Variants in RBFOX1 observed in about 807,000 individuals in gnomAD.
RBFOX1 encodes the protein RNA binding fox-1 homolog 1.
Under a neutral mutation model 57.7 loss-of-function variants are expected in RBFOX1, and 8 were observed. The ratio of observed to expected loss-of-function variants is 0.14; its 90% CI spans 0.08 to 0.25. The LOEUF is 0.25. Ranked by LOEUF, RBFOX1 falls within the 10% of genes least tolerant of loss-of-function variation. RBFOX1 has a pLI of 1.00. For synonymous variants in RBFOX1, 326 were observed against 222.4 expected (o/e 1.47, Z -4.15); for missense variants, 611 against 548.5 (o/e 1.11, Z -1.14).
intron 1 of RBFOX1, among the ~76,000 whole-genome samples, chr16:6,032,920 C>A (rs895044973): frequency 7.1e-6 from 1 of 140,866 alleles, no homozygotes; most frequent in South Asian, 2.3e-4. Flanking sequence ...AGCCATTGTT[C>A]AGGTGCCAAT....
intron 3 of RBFOX1, among the ~76,000 whole-genome samples, chr16:6,780,035 T>C (rs1373322643): frequency 2.1e-4 from 6 of 27,912 alleles, no homozygotes; most frequent in Non-Finnish European, 2.6e-4. Context: ...TTATATATAT[T>C]TATATATATT....
At chr16:6,382,734 C>A (rs1275154908) in intron 2 of RBFOX1, among the ~76,000 whole-genome samples, 10 of 152,082 alleles carry the variant, frequency 6.6e-5, no homozygotes. Context: ...GTGGCAGGTG[C>A]CTGTAATCCC....
At chr16:7,415,046 C>T (rs749606359) in intron 4 of RBFOX1, among the ~76,000 whole-genome samples, 16 of 152,226 alleles carry the variant, frequency 1.1e-4, no homozygotes, top group Non-Finnish European at 2.2e-4. Flanking sequence ...TTTCTATACT[C>T]TACAGCCTCT....
chr16:6,442,454 G>C (rs953008332), intron 2 of RBFOX1, among the ~76,000 whole-genome samples: 1 of 152,036 alleles, frequency 6.6e-6, no homozygotes, highest in Non-Finnish European at 1.5e-5. Context: ...CTACTCAGGA[G>C]GCTGAGGCAG....
chr16:7,587,951 G>C (rs187973075), intron 7 of RBFOX1, among the ~76,000 whole-genome samples: 1 of 152,270 alleles, frequency 6.6e-6, no homozygotes, highest in East Asian at 1.9e-4. Context: ...CTTTGAGGTG[G>C]GTGGATCACC....
chr16:7,308,256 G>C (rs186631785), intron 4 of RBFOX1, among the ~76,000 whole-genome samples: 2 of 148,548 alleles, frequency 1.3e-5, no homozygotes, highest in Non-Finnish European at 3.0e-5. Flanking sequence ...GATGAGATTC[G>C]TTTTCTGATG....
intron 5 of RBFOX1, among the ~76,000 whole-genome samples, chr16:7,568,262 T>G (rs1019424713): frequency 2.1e-4 from 32 of 152,180 alleles, no homozygotes; most frequent in South Asian, 4.1e-4. Context: ...TTCTTGATTA[T>G]GTATTAAACA....
chr16:6,869,171 C>G (rs114004142), intron 3 of RBFOX1, among the ~76,000 whole-genome samples: 1 of 152,296 alleles, frequency 6.6e-6, no homozygotes, highest in African/African-American at 2.4e-5. Context: ...ATATCTTCTG[C>G]TGCTTTGCAC....
chr16:5,549,100 C>T (rs1669565628), intron 2 of RBFOX1, among the ~76,000 whole-genome samples: 1 of 152,194 alleles, frequency 6.6e-6, no homozygotes, highest in South Asian at 2.1e-4. Flanking sequence ...ACCCCAGCTT[C>T]CAAAGATGAC....
At chr16:5,644,561 G>T (rs17508399) in intron 3 of RBFOX1, among the ~76,000 whole-genome samples, 4 of 152,156 alleles carry the variant, frequency 2.6e-5, no homozygotes, top group Non-Finnish European at 5.9e-5. Flanking sequence ...TACATTGCAG[G>T]AACTCAGCCG....
intron 3 of RBFOX1, among the ~76,000 whole-genome samples, chr16:6,666,849 C>T (rs934433245): frequency 2.0e-5 from 3 of 152,102 alleles, no homozygotes; most frequent in African/African-American, 7.2e-5. Flanking sequence ...CTCCCAATTA[C>T]TCAGCCTAAG....
chr16:5,921,058 G>C (rs138731050), intron 4 of RBFOX1, among the ~76,000 whole-genome samples: 2 of 152,242 alleles, frequency 1.3e-5, no homozygotes, highest in East Asian at 1.9e-4. Flanking sequence ...GTGTTGGTGG[G>C]AATCTAACTT....
intron 3 of RBFOX1, among the ~76,000 whole-genome samples, chr16:6,870,078 T>C (rs1251411601): frequency 1.3e-5 from 2 of 152,200 alleles, no homozygotes; most frequent in East Asian, 3.8e-4. Context: ...GACAATTTAC[T>C]AATCCTTCTT....
intron 3 of RBFOX1, among the ~76,000 whole-genome samples, chr16:6,994,520 T>C (rs558957529): frequency 7.9e-5 from 12 of 152,306 alleles, no homozygotes; most frequent in African/African-American, 2.9e-4. Flanking sequence ...TGACCGATTT[T>C]CTTGCATTTT....
intron 3 of RBFOX1, among the ~76,000 whole-genome samples, chr16:7,031,092 G>C (rs11645481): frequency 0.58 from 88,658 of 152,030 alleles, 26,572 homozygotes; most frequent in South Asian, 0.77. Flanking sequence ...AGGGTTGTAA[G>C]TAAGACTGTA....
At chr16:6,598,531 A>G (rs569731897) in intron 2 of RBFOX1, among the ~76,000 whole-genome samples, 1 of 152,362 alleles carries the variant, frequency 6.6e-6, no homozygotes, top group African/African-American at 2.4e-5. Context: ...GATTATTCCA[A>G]TATTAAGCAT....
intron 10 of RBFOX1, among the ~76,000 whole-genome samples, chr16:7,615,153 G>A (rs1232468590): frequency 2.6e-5 from 4 of 152,262 alleles, no homozygotes; most frequent in African/African-American, 9.6e-5. Context: ...CTAATACGGT[G>A]AAACCCCATC....
chr16:5,464,039 C>A (rs868804116), intron 1 of RBFOX1, among the ~76,000 whole-genome samples: 3 of 152,106 alleles, frequency 2.0e-5, no homozygotes, highest in Non-Finnish European at 2.9e-5. Flanking sequence ...CCGTGATGGA[C>A]CAGCAGGAGG....
chr16:6,245,166 A>G (rs556355921), intron 1 of RBFOX1, among the ~76,000 whole-genome samples: 10 of 152,184 alleles, frequency 6.6e-5, no homozygotes, highest in Non-Finnish European at 1.3e-4. Context: ...TGCGTGATTG[A>G]ATGAATAATG....
Sources: allele counts gnomAD v4.1 joint callset (sites outside exome capture counted in the v4.1 genomes callset), GRCh38; gene constraint gnomAD v4.1.1; transcripts MANE v1.5; gene names NCBI Gene and HGNC (gene_info 2026-07-23, HGNC 2026-07-21).